The following SLC39A11 variants were observed in gnomAD, a reference collection of about 807,000 sequenced individuals.
SLC39A11 encodes the protein zinc transporter ZIP11.
SLC39A11 carries 33 observed loss-of-function variants against 36.1 expected under a neutral mutation model. The observed-to-expected ratio is 0.91, with a 90% confidence interval of 0.69 to 1.22. SLC39A11 has a LOEUF of 1.22. Among genes scored for constraint, SLC39A11 ranks in the 50% most tolerant of loss-of-function variants. The pLI, the probability that SLC39A11 is intolerant of heterozygous loss-of-function variation, is 0.00. For synonymous variants in SLC39A11, 166 were observed against 170.3 expected (o/e 0.97, Z 0.20); for missense variants, 432 against 430.3 (o/e 1.00, Z -0.03).
intron 4 of SLC39A11, among the ~76,000 whole-genome samples, chr17:73,023,053 C>G (rs1049769476): frequency 2.6e-5 from 4 of 152,148 alleles, no homozygotes; most frequent in Non-Finnish European, 5.9e-5. Flanking sequence ...CCCTTAGAAA[C>G]TGAAGTATTA....
chr17:72,795,031 G>C (rs889004993), intron 6 of SLC39A11, among the ~76,000 whole-genome samples: 5 of 152,128 alleles, frequency 3.3e-5, no homozygotes, highest in African/African-American at 7.3e-5. Context: ...TCAGCCCAAA[G>C]TGAAGTTATG....
intron 4 of SLC39A11, among the ~76,000 whole-genome samples, chr17:72,974,640 T>C (rs980137077): frequency 1.3e-5 from 2 of 152,178 alleles, no homozygotes; most frequent in African/African-American, 4.8e-5. Flanking sequence ...CAATGTATTA[T>C]TGTAGAAAAA....
chr17:72,729,441 ATATATATATATATATATTTTTTTTT>A (rs1423729270), intron 7 of SLC39A11, among the ~76,000 whole-genome samples: 117 of 2,236 alleles, frequency 0.052, 18 homozygotes, highest in African/African-American at 0.17. Context: ...ATATATATAT[ATATATATATATATATATTTTTTTTT>A]TTTTTTTTTT....
At chr17:73,068,278 C>T (rs2060056476) in intron 3 of SLC39A11, 1 of 684,158 alleles carries the variant, frequency 1.5e-6, no homozygotes, top group Non-Finnish European at 2.6e-6. Flanking sequence ...TGGACTGCGG[C>T]TCCTCCACCA....
At chr17:72,967,763 G>A (rs1027145031) in intron 4 of SLC39A11, among the ~76,000 whole-genome samples, 3 of 152,132 alleles carry the variant, frequency 2.0e-5, no homozygotes, top group African/African-American at 7.2e-5. Flanking sequence ...GGATGCTCCA[G>A]GCCAGCAAAT....
intron 4 of SLC39A11, among the ~76,000 whole-genome samples, chr17:72,981,469 G>A (rs1006325595): frequency 6.6e-6 from 1 of 152,030 alleles, no homozygotes; most frequent in African/African-American, 2.4e-5. Context: ...CAAGACTTCT[G>A]AGAGCCATCT....
intron 5 of SLC39A11, among the ~76,000 whole-genome samples, chr17:72,914,549 G>A (rs2083224553): frequency 6.6e-6 from 1 of 151,992 alleles, no homozygotes; most frequent in Non-Finnish European, 1.5e-5. Context: ...CAGGGTCCTG[G>A]AACTAATACC....
chr17:72,884,432 T>A (rs2081355553), intron 5 of SLC39A11, among the ~76,000 whole-genome samples: 1 of 152,272 alleles, frequency 6.6e-6, no homozygotes, highest in Non-Finnish European at 1.5e-5. Context: ...TTGGAAGACA[T>A]CTAGCTCCAT....
At chr17:72,860,721 G>A (rs1394347697) in intron 5 of SLC39A11, among the ~76,000 whole-genome samples, 1 of 152,134 alleles carries the variant, frequency 6.6e-6, no homozygotes, top group Non-Finnish European at 1.5e-5. Flanking sequence ...AGGACTATCG[G>A]TGTCATTGCA....
intron 5 of SLC39A11, among the ~76,000 whole-genome samples, chr17:72,918,094 T>C (rs774078024): frequency 2.3e-4 from 35 of 152,214 alleles, no homozygotes; most frequent in Non-Finnish European, 4.4e-4. Flanking sequence ...ACAGGACTCA[T>C]TGTCCTTACC....
In SLC39A11 at chr17:73,083,634, A is replaced by T. The variant is rs143718288; in HGVS notation, c.147+1174T>A. On this transcript the variant is annotated intron_variant, in intron 3 of 9. Transcript: ENST00000255559. ...CAGGAAATACAGGGGACTGAGGAAC[A>T]AGTTAGGCAGCACCACGAGGAAGTA... 3.0e-3 allele frequency among the ~76,000 whole-genome samples: 460 copies of T among 152,342 alleles called. 4 individuals carry two copies. The highest frequency in any genetic ancestry group is 0.011 in the African/African-American group (445 of 41,576).
At position 72,931,810 on chromosome 17, in the gene SLC39A11, C is replaced by A. The variant is rs2084415734; in HGVS notation, c.430+15942G>T. ...CACTGCATGACTCAAATGCTTACGA[C>A]TTCAGCTTTCATTCTCTGATCTAAG... On this transcript the variant is annotated intron_variant, in intron 5 of 9. Coordinates refer to ENST00000255559, the MANE Select transcript of SLC39A11 (RefSeq NM_139177.4). Among the ~76,000 whole-genome samples the A allele has an allele frequency of 5.3e-5, 8 of 152,318 alleles. No individual in the cohort carries two copies. The South Asian group carries it at 1.7e-3, about 32-fold the overall frequency.
chr17:72,804,191 T>C (rs1244037031), intron 6 of SLC39A11, among the ~76,000 whole-genome samples: 1 of 151,960 alleles, frequency 6.6e-6, no homozygotes, highest in African/African-American at 2.4e-5. Context: ...AGAGACGGGG[T>C]TTCACCATGT....
At chr17:72,858,089 C>T (rs1455644625) in intron 5 of SLC39A11, among the ~76,000 whole-genome samples, 2 of 152,008 alleles carry the variant, frequency 1.3e-5, no homozygotes, top group Non-Finnish European at 2.9e-5. Flanking sequence ...GGTTGTCTAC[C>T]AGGGTTTTTA....
intron 1 of SLC39A11, among the ~76,000 whole-genome samples, chr17:73,089,375 T>G (rs2060850602): frequency 6.6e-6 from 1 of 152,138 alleles, no homozygotes; most frequent in African/African-American, 2.4e-5. Context: ...ACTGAATTAT[T>G]TATGGCACCT....
At chr17:72,706,500 G>A (rs2072900466) in intron 7 of SLC39A11, among the ~76,000 whole-genome samples, 1 of 152,156 alleles carries the variant, frequency 6.6e-6, no homozygotes, top group South Asian at 2.1e-4. Context: ...AGAACACTCT[G>A]GCAAAGAAAG....
At chr17:73,060,194 G>A (rs1190273712) in intron 3 of SLC39A11, among the ~76,000 whole-genome samples, 1 of 23,196 alleles carries the variant, frequency 4.3e-5, no homozygotes, top group African/African-American at 1.9e-4. Context: ...TGGGCAACAA[G>A]AATGAAACTC....
intron 6 of SLC39A11, among the ~76,000 whole-genome samples, chr17:72,764,504 G>T (rs568687720): frequency 6.6e-6 from 1 of 152,254 alleles, no homozygotes; most frequent in East Asian, 1.9e-4. Flanking sequence ...TCCTTAGGGG[G>T]ATGACAGTTT....
At chr17:72,840,452 G>T (rs1488228173) in intron 6 of SLC39A11, among the ~76,000 whole-genome samples, 1 of 152,194 alleles carries the variant, frequency 6.6e-6, no homozygotes, top group Non-Finnish European at 1.5e-5. Context: ...TGGCCCACCT[G>T]GACAATGTAG....
Sources: allele counts gnomAD v4.1 joint callset (sites outside exome capture counted in the v4.1 genomes callset), GRCh38; gene constraint gnomAD v4.1.1; transcripts MANE v1.5; gene names NCBI Gene and HGNC (gene_info 2026-07-23, HGNC 2026-07-21).